ZNF626: variants seen among roughly 807,000 people sequenced by gnomAD.
ZNF626 encodes the protein zinc finger protein 626.
A neutral mutation model predicts 11.7 loss-of-function variants in ZNF626; 4 were observed. That is an observed-to-expected ratio of 0.34 (90% CI 0.17 to 0.78). The LOEUF is 0.78. ZNF626 is among the 30% of genes least tolerant of loss of function. The pLI, the probability that ZNF626 is intolerant of heterozygous loss-of-function variation, is 0.57. For missense variants in ZNF626, 588 were observed against 587.1 expected (o/e 1.00, Z -0.01); for synonymous variants, 179 against 198.6 (o/e 0.90, Z 0.83).
chr19:20,648,899 G>A (rs532683629), intron 1 of ZNF626, among the ~76,000 whole-genome samples: 1 of 152,136 alleles, frequency 6.6e-6, no homozygotes, highest in Non-Finnish European at 1.5e-5. Flanking sequence ...GCTATGATGC[G>A]GAGAATAAGG....
At chr19:20,633,384 G>A (rs1397074185) in intron 3 of ZNF626, among the ~76,000 whole-genome samples, 1 of 118,254 alleles carries the variant, frequency 8.5e-6, no homozygotes, top group African/African-American at 4.1e-5. Flanking sequence ...GCCCCCAGAG[G>A]TGGAGCCTAA....
chr19:20,638,510 T>G (rs1167540343), intron 3 of ZNF626, among the ~76,000 whole-genome samples: 1 of 151,464 alleles, frequency 6.6e-6, no homozygotes, highest in Non-Finnish European at 1.5e-5. Flanking sequence ...TAAAAAGCAA[T>G]CAGTATGCTG....
intron 3 of ZNF626, among the ~76,000 whole-genome samples, chr19:20,641,821 C>G (rs1020868738): frequency 2.6e-5 from 4 of 151,588 alleles, no homozygotes; most frequent in African/African-American, 7.3e-5. Flanking sequence ...TCCCAAAATC[C>G]TGGGATTACA....
At position 20,654,484 on chromosome 19, in the gene ZNF626, G is replaced by A. The variant is rs868959029; in HGVS notation, c.3+6960C>T. On this transcript the variant is annotated intron_variant, in intron 1 of 3. Coordinates refer to ENST00000601440, the MANE Select transcript of ZNF626 (RefSeq NM_001076675.3). ...AGCACTTTGGGAGGCTGAGGTGGGC[G>A]GATCATGAGGTCAGGAGATTGAGAC... Among the ~76,000 whole-genome samples the A allele has an allele frequency of 7.9e-5, 12 of 151,848 alleles. No homozygotes were observed. In the South Asian group the frequency reaches 2.3e-3, roughly 29 times the overall value.
At chr19:20,646,212 A>G in intron 2 of ZNF626, 67 bp downstream of exon 2, 2 of 1,466,444 alleles carry the variant, frequency 1.4e-6, no homozygotes, top group Non-Finnish European at 1.8e-6. Context: ...AAATTACTAA[A>G]AAACATTCTA....
intron 1 of ZNF626, among the ~76,000 whole-genome samples, chr19:20,651,561 A>G (rs1970146809): frequency 1.3e-5 from 2 of 152,162 alleles, no homozygotes; most frequent in Admixed American, 1.3e-4. Flanking sequence ...GGGATGAACA[A>G]ACAGGATGAT....
rs782815912 is a variant in ZNF626 at position 20,620,492 on chromosome 19, GACC to G, written c.*3795_*3797del. ...AAGTCTTTACGTTTGCAGGCAGAGT[GACC>G]ACATGTTCAAAGAAACTATATAACA... On this transcript the variant is annotated 3_prime_UTR_variant, in exon 4 of 4. Coordinates refer to ENST00000601440, the MANE Select transcript of ZNF626 (RefSeq NM_001076675.3). 17 of 152,258 alleles carry G rather than the reference GACC, an allele frequency of 1.1e-4. No individual in the cohort carries two copies. Among genetic ancestry groups the G allele is most frequent in the East Asian group, 7.7e-4 (4 of 5,186 alleles). 9.4% of individuals were successfully genotyped at this position (152,258 alleles called of 1,614,324 possible).
In ZNF626 at chr19:20,624,319, C is replaced by T. The variant is rs575821245; in HGVS notation, c.1558G>A (p.Gly520Ser). The change falls in exon 4 of 4, where the codon GGT becomes AGT. Residue 520 changes from glycine to serine, a missense_variant. Physicochemically the swap from Gly to Ser is moderately conservative, Grantham distance 56. This residue lies in a region of ZNF626 where 43 missense variants were observed against 38.0 expected (regional missense o/e 1.13). Coordinates refer to ENST00000601440, the MANE Select transcript of ZNF626 (RefSeq NM_001076675.3). ...CTTATGTGTAGTAAGGTGTGAGGAC[C>T]GCTTGAAGGCTTTGCCACATTCTTC... ...NVKNVAKPSS[G>S]PHTLLHIR The T allele has an allele frequency of 8.5e-5, 137 of 1,609,486 alleles. No homozygotes were observed. Among genetic ancestry groups the T allele is most frequent in the South Asian group, 3.3e-4 (30 of 90,780 alleles).
rs782512677 is a variant in ZNF626, at chr19:20,638,713, A to C, written c.226+6971T>G. 3.2e-4 allele frequency among the ~76,000 whole-genome samples: 48 copies of C among 152,074 alleles called. 1 individual carries two copies. The highest frequency in any genetic ancestry group is 6.2e-4 in the South Asian group (3 of 4,834). ...GACAAAGTTAGTTGATGTAGCAGAAATCTATAACTATAATATTTATCTTTC... is the reference window on the plus strand; with the variant it reads ...GACAAAGTTAGTTGATGTAGCAGAACTCTATAACTATAATATTTATCTTTC... On this transcript the variant is annotated intron_variant, in intron 3 of 3. Transcript: ENST00000601440.
chr19:20,653,238 A>C (rs568392002), intron 1 of ZNF626, among the ~76,000 whole-genome samples: 2 of 152,176 alleles, frequency 1.3e-5, no homozygotes, highest in East Asian at 3.9e-4. Flanking sequence ...ACAATAATTA[A>C]AAGAAAAATT....
At position 20,620,514 on chromosome 19, in the gene ZNF626, T is replaced by G. The variant is rs1969745450; in HGVS notation, c.*3776A>C. On this transcript the variant is annotated 3_prime_UTR_variant, in exon 4 of 4. Transcript: ENST00000601440. ...AGTGACCACATGTTCAAAGAAACTA[T>G]ATAACAAATATTTATTAATAATTTT... 3 of 152,210 alleles carry G rather than the reference T, an allele frequency of 2.0e-5. No individual in the cohort carries two copies. The South Asian group carries it at 6.2e-4, about 32-fold the overall frequency. The allele number at this position is 152,210 out of a possible 1,614,324, so 9.4% of individuals were successfully genotyped here.
At chr19:20,634,531 G>A (rs1969945691) in intron 3 of ZNF626, among the ~76,000 whole-genome samples, 1 of 148,584 alleles carries the variant, frequency 6.7e-6, no homozygotes, top group African/African-American at 2.5e-5. Context: ...ATTTAGAAAT[G>A]ATACAACACA....
At chr19:20,632,388 A>T (rs2144770781) in intron 3 of ZNF626, among the ~76,000 whole-genome samples, 1 of 152,300 alleles carries the variant, frequency 6.6e-6, no homozygotes, top group Admixed American at 6.5e-5. Context: ...AATGCTTTCC[A>T]ACTTGGTTCC....
At chr19:20,648,377 CTTCTTTT>C (rs1281334525) in intron 1 of ZNF626, among the ~76,000 whole-genome samples, 3 of 54,804 alleles carry the variant, frequency 5.5e-5, no homozygotes, top group East Asian at 8.3e-4. Context: ...TCTTCTTCTT[CTTCTTTT>C]TTTTTTTTCT....
intron 3 of ZNF626, among the ~76,000 whole-genome samples, chr19:20,627,124 AAAC>A (rs140837855): frequency 0.073 from 11,030 of 152,056 alleles, 1,113 homozygotes; most frequent in African/African-American, 0.23. Flanking sequence ...AATAGCAAAA[AAAC>A]AAAAATTGTG....
chr19:20,647,312 TAAG>T (rs1348907522), intron 1 of ZNF626, among the ~76,000 whole-genome samples: 1 of 151,574 alleles, frequency 6.6e-6, no homozygotes, highest in Non-Finnish European at 1.5e-5. Flanking sequence ...GAAAAAAAAA[TAAG>T]GACAGTTGCC....
intron 3 of ZNF626, among the ~76,000 whole-genome samples, chr19:20,627,499 C>G (rs962364624): frequency 4.6e-5 from 7 of 151,648 alleles, no homozygotes; most frequent in Admixed American, 4.6e-4. Flanking sequence ...AAGCAAAAAA[C>G]CACGAAAACC....
chr19:20,632,957 G>GT (rs1303126006), intron 3 of ZNF626, among the ~76,000 whole-genome samples: 1 of 152,134 alleles, frequency 6.6e-6, no homozygotes, highest in Non-Finnish European at 1.5e-5. Flanking sequence ...GTACAGATGG[G>GT]TTTTTGGTGT....
intron 3 of ZNF626, among the ~76,000 whole-genome samples, chr19:20,637,453 C>T (rs1555771025): frequency 6.7e-6 from 1 of 149,202 alleles, no homozygotes; most frequent in Non-Finnish European, 1.5e-5. Context: ...CCATTGCATT[C>T]CTGCCTGGAC....
Sources: gnomAD v4.1 joint callset for allele counts (sites outside exome capture counted in the v4.1 genomes callset) on GRCh38, gnomAD v4.1.1 for gene constraint, gnomAD v4.1.1 regional missense constraint, MANE v1.5 for transcripts, NCBI Gene and HGNC (gene_info 2026-07-23, HGNC 2026-07-21) for gene names.